Variants in OR51G2 observed in about 807,000 individuals in gnomAD.
The protein encoded by OR51G2 is olfactory receptor family 51 subfamily G member 2, also known as olfactory receptor 51G2.
Under a neutral mutation model 11.8 loss-of-function variants are expected in OR51G2, and 13 were observed. That is an observed-to-expected ratio of 1.10 (90% CI 0.72 to 1.76). OR51G2 has a LOEUF of 1.76. Among genes scored for constraint, OR51G2 ranks in the 40% most tolerant of loss-of-function variants. OR51G2 has a pLI of 0.00. For synonymous variants in OR51G2, 178 were observed against 151.9 expected, an observed-to-expected ratio of 1.17 and a Z score of -1.26; for missense variants, 474 against 394.4, an observed-to-expected ratio of 1.20 and a Z score of -1.71.
rs1851042663 is a variant in OR51G2 at position 4,914,537 on chromosome 11, A to G, written c.*182T>C. On this transcript the variant is annotated 3_prime_UTR_variant, in exon 2 of 2. Transcript: ENST00000641926. ...AAAATAAAATTTACCACATCATATTACATTTTACCCCCCCCTGCCCTGGCC... is the reference window on the plus strand; with the variant it reads ...AAAATAAAATTTACCACATCATATTGCATTTTACCCCCCCCTGCCCTGGCC... 9.3e-6 allele frequency: 5 copies of G among 536,692 alleles called. No individual in the cohort carries two copies. Among genetic ancestry groups the G allele is most frequent in the Admixed American group, 6.5e-5 (2 of 30,750 alleles). The allele number at this position is 536,692 out of a possible 1,614,324, so 33.2% of individuals were successfully genotyped here. A position where few individuals can be genotyped will look rare whatever the true frequency, so the allele number is the denominator to read the frequency against.
intron 1 of OR51G2, among the ~76,000 whole-genome samples, chr11:4,917,486 T>A (rs1851115301): frequency 6.6e-6 from 1 of 152,190 alleles, no homozygotes; most frequent in African/African-American, 2.4e-5. Context: ...AATAAATAAA[T>A]AAACTGATTG....
chr11:4,918,282 T>G (rs1851128843), intron 1 of OR51G2, among the ~76,000 whole-genome samples: 1 of 152,206 alleles, frequency 6.6e-6, no homozygotes, highest in South Asian at 2.1e-4. Context: ...AGCAATTATT[T>G]AAGTTAAGGC....
chr11:4,915,032 G>A lies in OR51G2; in HGVS notation c.632C>T (p.Thr211Ile), dbSNP rs757202351. 1 of 1,614,128 alleles carries A rather than the reference G, an allele frequency of 6.2e-7. No individual in the cohort carries two copies. The highest frequency in any genetic ancestry group is 1.1e-5 in the South Asian group (1 of 91,084). The change falls in exon 2 of 2, where the codon ACA becomes ATA. Residue 211 changes from threonine (T) to isoleucine (I), a missense_variant. By Grantham distance (89) the Thr-to-Ile change is moderately conservative. Transcript: ENST00000641926. ...GATGAGCAGTGAGTCTATACCCACTGTAGAGACGATGACAAACATGCCGTA... is the reference window on the plus strand; with the variant it reads ...GATGAGCAGTGAGTCTATACCCACTATAGAGACGATGACAAACATGCCGTA... ...SIYGMFVIVS[T>I]VGIDSLLILF...
intron 1 of OR51G2, among the ~76,000 whole-genome samples, chr11:4,918,011 T>G (rs1335027075): frequency 6.6e-6 from 1 of 151,520 alleles, no homozygotes. Flanking sequence ...AAGAAAGAAA[T>G]AGAATTACTG....
At position 4,913,984 on chromosome 11, in the gene OR51G2, T is replaced by C. The variant is rs1039592050; in HGVS notation, c.*735A>G. On this transcript the variant is annotated 3_prime_UTR_variant, in exon 2 of 2. Transcript: ENST00000641926. ...TTTTCTTTGAAGAATACAATTAACA[T>C]GTGATTGTATAACGAATCTTCCCAA... 4 of 152,238 alleles carry C rather than the reference T, an allele frequency of 2.6e-5. No individual in the cohort carries two copies. Among genetic ancestry groups the C allele is most frequent in the African/African-American group, 9.6e-5 (4 of 41,458 alleles). 9.4% of individuals were successfully genotyped at this position (152,238 alleles called of 1,614,324 possible). A position where few individuals can be genotyped will look rare whatever the true frequency, so the allele number is the denominator to read the frequency against.
Position 4,913,117 on chromosome 11 carries a change from T to C in OR51G2, c.*1602A>G, listed in dbSNP as rs942115426. On this transcript the variant is annotated 3_prime_UTR_variant, in exon 2 of 2. Transcript: ENST00000641926. ...CCCATTCCTTCGGGGTCTGTGTTACTCAAATGGTCATTCTCAACTTTGTGG... is the reference window on the plus strand; with the variant it reads ...CCCATTCCTTCGGGGTCTGTGTTACCCAAATGGTCATTCTCAACTTTGTGG... 1 of 152,228 alleles carries C rather than the reference T, an allele frequency of 6.6e-6. No homozygotes were observed. Among genetic ancestry groups the C allele is most frequent in the Non-Finnish European group, 1.5e-5 (1 of 68,042 alleles). 9.4% of individuals were successfully genotyped at this position (152,228 alleles called of 1,614,324 possible).
Position 4,915,359 on chromosome 11 carries a change from C to T in OR51G2, c.305G>A (p.Cys102Tyr). The change falls in exon 2 of 2, where the codon TGC becomes TAC. Residue 102 changes from cysteine to tyrosine, a missense_variant. Physicochemically the swap from Cys to Tyr is radical, Grantham distance 194. Transcript: ENST00000641926. ...GTGAATGAAAAAGAGCTGAGCAAAG[C>T]AGGCATCATGGCTAATTTCTCGTGC... ...VGAREISHDACFAQLFFIHCF... is the reference protein window; with the variant it reads ...VGAREISHDAYFAQLFFIHCF... 1 of 1,614,010 alleles carries T rather than the reference C, an allele frequency of 6.2e-7. No individual in the cohort carries two copies. Among genetic ancestry groups the T allele is most frequent in the Non-Finnish European group, 8.5e-7 (1 of 1,179,988 alleles).
rs1381262998 is a variant in OR51G2, at chr11:4,915,064, G to C, written c.600C>G (p.Asn200Lys). Residue 200 changes from asparagine (N) to lysine (K), a missense_variant, in exon 2 of 2, where the codon AAC (asparagine) becomes AAG (lysine). By Grantham distance (94) the Asn-to-Lys change is moderately conservative. Transcript: ENST00000641926. ...CGATGACAAACATGCCGTAGATGCT[G>C]TTGGCCTTCATGTCGGCACAGGCCA... ...MKLACADMKA[N>K]SIYGMFVIVS... The C allele has an allele frequency of 6.2e-7, 1 of 1,614,088 alleles. No homozygotes were observed. The highest frequency in any genetic ancestry group is 1.7e-5 in the Admixed American group (1 of 60,016).
At chr11:4,919,077 A>T (rs1241610224) in intron 1 of OR51G2, 100 bp downstream of exon 1, 1 of 152,234 alleles carries the variant, frequency 6.6e-6, no homozygotes, top group Non-Finnish European at 1.5e-5. Context: ...AAAACAAGGA[A>T]ATTGACTGAT....
rs796960972 is a variant in OR51G2, at chr11:4,915,642, T to TTCCCAGGGA, written c.13_21dup (p.Ser5_Gly7dup). 6.2e-7 allele frequency: 1 copy of TTCCCAGGGA among 1,613,046 alleles called. No homozygotes were observed. The highest frequency in any genetic ancestry group is 1.7e-4 in the Middle Eastern group (1 of 6,048). ...GTAGCAGAAACGCTGCTGCTGCTGT[T>TTCCCAGGGA]TCCCAGGGATCCCAGGGTCATTGTG... On this transcript the variant is annotated inframe_insertion, in exon 2 of 2. Coordinates refer to ENST00000641926, the MANE Select transcript of OR51G2 (RefSeq NM_001005238.2).
chr11:4,915,239 G>A lies in OR51G2; in HGVS notation c.425C>T (p.Thr142Ile). 6.2e-7 allele frequency: 1 copy of A among 1,613,990 alleles called. No homozygotes were observed. The highest frequency in any genetic ancestry group is 8.5e-7 in the Non-Finnish European group (1 of 1,180,014). ...GCCAATCCTGCCAATGACTGTGTTG[G>A]TGAGAATGGAAACATAGTGCAAGGG... ...CHPLHYVSIL[T>I]NTVIGRIGLV... Residue 142 changes from threonine (T) to isoleucine (I), a missense_variant, in exon 2 of 2, where the codon ACC becomes ATC. Transcript: ENST00000641926.
At position 4,914,669 on chromosome 11, in the gene OR51G2, G is replaced by C; in HGVS notation, c.*50C>G. Reference sequence around the variant, plus strand: ...TGCATGTTAGAAATTATAAAGGATAGGCAAACAAGGGCACGTTTCAGGAGA... The same window carrying C: ...TGCATGTTAGAAATTATAAAGGATACGCAAACAAGGGCACGTTTCAGGAGA... On this transcript the variant is annotated 3_prime_UTR_variant, in exon 2 of 2. Coordinates refer to ENST00000641926, the MANE Select transcript of OR51G2 (RefSeq NM_001005238.2). 7.9e-7 allele frequency: 1 copy of C among 1,267,310 alleles called. No individual in the cohort carries two copies. The highest frequency in any genetic ancestry group is 1.1e-6 in the Non-Finnish European group (1 of 893,480). The allele number at this position is 1,267,310 out of a possible 1,614,324, so 78.5% of individuals were successfully genotyped here.
chr11:4,914,829 C>T lies in OR51G2; in HGVS notation c.835G>A (p.Val279Met). 3 of 1,614,010 alleles carry T rather than the reference C, an allele frequency of 1.9e-6. No homozygotes were observed. Among genetic ancestry groups the T allele is most frequent in the Non-Finnish European group, 1.7e-6 (2 of 1,179,988 alleles). ...FGKQAPHLVQVVMGFMYLLFP... is the reference protein window; with the variant it reads ...FGKQAPHLVQMVMGFMYLLFP... ...AGAAGATACATGAAACCCATGACCACCTGGACCAGGTGGGGTGCCTGCTTT... is the reference window on the plus strand; with the variant it reads ...AGAAGATACATGAAACCCATGACCATCTGGACCAGGTGGGGTGCCTGCTTT... The change falls in exon 2 of 2, where the codon GTG (valine) becomes ATG (methionine). Residue 279 changes from valine (V) to methionine (M), a missense_variant. Coordinates refer to ENST00000641926, the MANE Select transcript of OR51G2 (RefSeq NM_001005238.2).
At position 4,915,024 on chromosome 11, in the gene OR51G2, T is replaced by C; in HGVS notation, c.640A>G (p.Ile214Val). 4 of 1,613,960 alleles carry C rather than the reference T, an allele frequency of 2.5e-6. No homozygotes were observed. Among genetic ancestry groups the C allele is most frequent in the Non-Finnish European group, 3.4e-6 (4 of 1,179,996 alleles). The change falls in exon 2 of 2, where the codon ATA (isoleucine) becomes GTA (valine). Residue 214 changes from isoleucine to valine, a missense_variant. By Grantham distance (29) the Ile-to-Val change is conservative (BLOSUM62 3). Coordinates refer to ENST00000641926, the MANE Select transcript of OR51G2 (RefSeq NM_001005238.2). ...GMFVIVSTVG[I>V]DSLLILFSYA... ...GAGAAGAGGATGAGCAGTGAGTCTA[T>C]ACCCACTGTAGAGACGATGACAAAC...
In OR51G2 at chr11:4,914,988, T is replaced by C; in HGVS notation, c.676A>G (p.Ile226Val). The C allele has an allele frequency of 6.2e-7, 1 of 1,613,928 alleles. No homozygotes were observed. The highest frequency in any genetic ancestry group is 8.5e-7 in the Non-Finnish European group (1 of 1,179,990). ...SLLILFSYAL[I>V]LRTVLSIASR... ...GCGATGGACAGCACGGTGCGCAGGA[T>C]CAGAGCATAAGAGAAGAGGATGAGC... Residue 226 changes from isoleucine (I) to valine (V), a missense_variant, in exon 2 of 2, where the codon ATC (isoleucine) becomes GTC (valine). By Grantham distance (29) the Ile-to-Val change is conservative (BLOSUM62 3). Transcript: ENST00000641926.
chr11:4,914,886 T>A lies in OR51G2; in HGVS notation c.778A>T (p.Met260Leu), dbSNP rs755048253. 1 of 1,613,952 alleles carries A rather than the reference T, an allele frequency of 6.2e-7. No individual in the cohort carries two copies. Among genetic ancestry groups the A allele is most frequent in the African/African-American group, 1.3e-5 (1 of 74,976 alleles). The change falls in exon 2 of 2, where the codon ATG becomes TTG. Residue 260 changes from methionine (M) to leucine (L), a missense_variant. Met to Leu is a conservative substitution (Grantham distance 15, BLOSUM62 2). Transcript: ENST00000641926. ...CGATGGATGACAGAGAGGCCAATCATGGGAGTGTAGAAGAGCAGCACAGCA... is the reference window on the plus strand; with the variant it reads ...CGATGGATGACAGAGAGGCCAATCAAGGGAGTGTAGAAGAGCAGCACAGCA... ...ICAVLLFYTPMIGLSVIHRFG... is the reference protein window; with the variant it reads ...ICAVLLFYTPLIGLSVIHRFG...
chr11:4,915,494 T>A lies in OR51G2; in HGVS notation c.170A>T (p.Glu57Val). 6.2e-7 allele frequency: 1 copy of A among 1,614,092 alleles called. No individual in the cohort carries two copies. Among genetic ancestry groups the A allele is most frequent in the Non-Finnish European group, 8.5e-7 (1 of 1,180,024 alleles). The change falls in exon 2 of 2, where the codon GAG (glutamate) becomes GTG (valine). Residue 57 changes from glutamate (E) to valine (V), a missense_variant. By Grantham distance (121) the Glu-to-Val change is moderately radical. Coordinates refer to ENST00000641926, the MANE Select transcript of OR51G2 (RefSeq NM_001005238.2). ...NCTILFIIKT[E>V]RSLHEPMYLF... ...ATACATAGGTTCATGAAGTGAGCGC[T>A]CTGTTTTAATGATAAAAAGAATTGT...
chr11:4,913,722 AC>A lies in OR51G2; in HGVS notation c.*996del. 1 of 152,312 alleles carries A rather than the reference AC, an allele frequency of 6.6e-6. No individual in the cohort carries two copies. Among genetic ancestry groups the A allele is most frequent in the Admixed American group, 6.5e-5 (1 of 15,298 alleles). The allele number at this position is 152,312 out of a possible 1,614,324, so 9.4% of individuals were successfully genotyped here. ...GACATTCTAGAGAATAAAAATGGCA[AC>A]AAAAACAACACTTCAGATAATTCTC... On this transcript the variant is annotated 3_prime_UTR_variant, in exon 2 of 2. Coordinates refer to ENST00000641926, the MANE Select transcript of OR51G2 (RefSeq NM_001005238.2).
intron 1 of OR51G2, among the ~76,000 whole-genome samples, 199 bp downstream of exon 1, chr11:4,918,978 T>C (rs935130020): frequency 1.3e-5 from 2 of 152,256 alleles, no homozygotes; most frequent in Admixed American, 6.5e-5. Context: ...CATGCCTGCA[T>C]GACAATTTTG....
Sources: gnomAD v4.1 joint callset for allele counts (sites outside exome capture counted in the v4.1 genomes callset) on GRCh38, gnomAD v4.1.1 for gene constraint, MANE v1.5 for transcripts, NCBI Gene and HGNC (gene_info 2026-07-23, HGNC 2026-07-21) for gene names.